CFAP221: variants seen among roughly 807,000 people sequenced by gnomAD.
CFAP221 encodes the protein cilia and flagella associated protein 221.
Under a neutral mutation model 113.1 loss-of-function variants are expected in CFAP221, and 97 were observed. That is an observed-to-expected ratio of 0.86 (90% CI 0.73 to 1.02). CFAP221 has a LOEUF of 1.02. Ranked by LOEUF, CFAP221 falls within the 50% of genes least tolerant of loss-of-function variation. The pLI, the probability that CFAP221 is intolerant of heterozygous loss-of-function variation, is 0.00. For synonymous variants in CFAP221, 331 were observed against 354.4 expected (o/e 0.93, Z 0.74); for missense variants, 1,025 against 1,013.4 (o/e 1.01, Z -0.16).
intron 3 of CFAP221, among the ~76,000 whole-genome samples, chr2:119,555,852 G>C (rs1680756489): frequency 6.6e-6 from 1 of 152,146 alleles, no homozygotes; most frequent in African/African-American, 2.4e-5. Flanking sequence ...TCTTTGAGAG[G>C]ACAAAGAACA....
At chr2:119,597,108 TTAGCATAAG>T (rs1684036002) in intron 7 of CFAP221, among the ~76,000 whole-genome samples, 1 of 152,230 alleles carries the variant, frequency 6.6e-6, no homozygotes, top group African/African-American at 2.4e-5. Flanking sequence ...CTTGTTTTAT[TTAGCATAAG>T]GATTGAGAAG....
chr2:119,638,562 G>C, intron 20 of CFAP221, 145 bp downstream of exon 20: 2 of 1,083,444 alleles, frequency 1.8e-6, no homozygotes, highest in Non-Finnish European at 1.4e-6. Flanking sequence ...CCCTCATACC[G>C]CCAGCCCTAA....
intron 19 of CFAP221, 148 bp from the exon 20 acceptor site, chr2:119,638,111 T>G: frequency 1.4e-6 from 1 of 706,018 alleles, no homozygotes; most frequent in African/African-American, 1.8e-5. Context: ...ACCTCTGCTC[T>G]CCTGCTTCTC....
At chr2:119,614,265 C>A (rs1685374748) in intron 13 of CFAP221, among the ~76,000 whole-genome samples, 2 of 152,182 alleles carry the variant, frequency 1.3e-5, no homozygotes, top group Non-Finnish European at 2.9e-5. Context: ...TTCTTCTGAT[C>A]CCTGCAAACT....
intron 7 of CFAP221, among the ~76,000 whole-genome samples, chr2:119,589,206 G>A (rs1479968119): frequency 1.3e-5 from 2 of 152,172 alleles, no homozygotes; most frequent in African/African-American, 4.8e-5. Context: ...TCTCAGGAAC[G>A]TTCTTGGTTT....
intron 23 of CFAP221, 92 bp from the exon 24 acceptor site, chr2:119,656,270 C>T: frequency 2.1e-6 from 2 of 956,180 alleles, no homozygotes; most frequent in Admixed American, 1.9e-5. Context: ...CGAAATGCTC[C>T]TCCGACCTTC....
chr2:119,629,089 G>GC (rs1482001378), intron 16 of CFAP221, among the ~76,000 whole-genome samples: 1 of 152,164 alleles, frequency 6.6e-6, no homozygotes, highest in African/African-American at 2.4e-5. Flanking sequence ...ATTGTAAGAT[G>GC]CCTTTTTCTT....
chr2:119,586,117 T>A (rs1329173889), intron 6 of CFAP221, among the ~76,000 whole-genome samples: 3 of 151,996 alleles, frequency 2.0e-5, no homozygotes, highest in African/African-American at 7.3e-5. Flanking sequence ...GGGTGAGGGC[T>A]CAGAAGGTAT....
chr2:119,598,132 A>C (rs987515116), intron 7 of CFAP221, among the ~76,000 whole-genome samples: 1 of 152,186 alleles, frequency 6.6e-6, no homozygotes, highest in Non-Finnish European at 1.5e-5. Flanking sequence ...TTGAAGAAAA[A>C]ATTATTTTAA....
chr2:119,614,915 G>A (rs867335252), intron 13 of CFAP221, among the ~76,000 whole-genome samples: 13 of 152,216 alleles, frequency 8.5e-5, no homozygotes, highest in African/African-American at 1.4e-4. Flanking sequence ...TGCCAATGGC[G>A]CTTCCATGGG....
At chr2:119,626,351 G>C (rs895755050) in intron 15 of CFAP221, among the ~76,000 whole-genome samples, 1 of 152,104 alleles carries the variant, frequency 6.6e-6, no homozygotes, top group African/African-American at 2.4e-5. Context: ...CCATTATTCA[G>C]CCTATCTGAT....
chr2:119,556,703 C>G (rs569101954), intron 3 of CFAP221, among the ~76,000 whole-genome samples: 1 of 152,058 alleles, frequency 6.6e-6, no homozygotes, highest in East Asian at 1.9e-4. Flanking sequence ...CAGGCTCCCA[C>G]CACCACGCCC....
rs1680024239 is a variant in CFAP221 at position 119,545,988 on chromosome 2, A to G, written c.-47-97A>G. 5.6e-6 allele frequency: 5 copies of G among 889,866 alleles called. No individual in the cohort carries two copies. In the East Asian group the frequency reaches 1.4e-4, roughly 24 times the overall value. 55.1% of individuals were successfully genotyped at this position (889,866 alleles called of 1,614,324 possible). On this transcript the variant is annotated intron_variant, in intron 1 of 23. Coordinates refer to ENST00000413369, the MANE Select transcript of CFAP221 (RefSeq NM_001271049.2). ...GAGAGCCAGGGAGGGCATGAACCAC[A>G]GTAAACCACACAGAGACGAGGTACA...
At chr2:119,598,940 T>G (rs1684180124) in intron 7 of CFAP221, among the ~76,000 whole-genome samples, 2 of 152,146 alleles carry the variant, frequency 1.3e-5, no homozygotes, top group Admixed American at 1.3e-4. Flanking sequence ...AATAGAATGC[T>G]TTTATTTTAG....
intron 20 of CFAP221, among the ~76,000 whole-genome samples, chr2:119,639,274 T>C (rs1214519897): frequency 6.6e-6 from 1 of 152,178 alleles, no homozygotes; most frequent in South Asian, 2.1e-4. Context: ...TCCAAGCTCA[T>C]TAGCTTGGCC....
At chr2:119,616,544 C>T (rs974210680) in intron 14 of CFAP221, among the ~76,000 whole-genome samples, 6 of 152,312 alleles carry the variant, frequency 3.9e-5, no homozygotes, top group Middle Eastern at 3.4e-3. Flanking sequence ...CCTCCAGTGG[C>T]TTCCTGTTAT....
chr2:119,653,107 G>A (rs755901295), intron 23 of CFAP221, among the ~76,000 whole-genome samples: 36 of 151,694 alleles, frequency 2.4e-4, no homozygotes, highest in Non-Finnish European at 3.2e-4. Context: ...AATACCGGGC[G>A]TGGTGGCTCA....
At chr2:119,640,301 C>T (rs1489059540) in intron 21 of CFAP221, among the ~76,000 whole-genome samples, 1 of 152,108 alleles carries the variant, frequency 6.6e-6, no homozygotes, top group Non-Finnish European at 1.5e-5. Context: ...CCATGGCCCT[C>T]TTGTGCCACA....
In CFAP221 at chr2:119,608,506, G is replaced by A. The variant is rs1684931419; in HGVS notation, c.1138G>A (p.Val380Met). The A allele has an allele frequency of 2.5e-6, 4 of 1,605,534 alleles. No individual in the cohort carries two copies. Among genetic ancestry groups the A allele is most frequent in the Admixed American group, 3.4e-5 (2 of 58,382 alleles). The part of the protein sequence containing the change: ...EEMENHLKWQ[V>M]HLGKDPMSFK... ...GTTTTTTTTTTTTCTCCCCAGGCAG[G>A]TGCACCTTGGTAAAGATCCTATGTC... Residue 380 changes from valine to methionine, a missense_variant, in exon 12 of 24, where the codon GTG becomes ATG. By Grantham distance (21) the Val-to-Met change is conservative. Transcript: ENST00000413369.
Sources: gnomAD v4.1 joint callset for allele counts (sites outside exome capture counted in the v4.1 genomes callset) on GRCh38, gnomAD v4.1.1 for gene constraint, MANE v1.5 for transcripts, NCBI Gene and HGNC (gene_info 2026-07-23, HGNC 2026-07-21) for gene names.